Variants in LTBP1 observed in about 807,000 individuals in gnomAD.
LTBP1 encodes latent-transforming growth factor beta-binding protein 1.
LTBP1 carries 129 observed loss-of-function variants against 207.6 expected under a neutral mutation model. The ratio of observed to expected loss-of-function variants is 0.62; its 90% CI spans 0.54 to 0.72. The LOEUF (loss-of-function observed/expected upper bound fraction) is 0.72, where lower values mean the gene tolerates loss of function less well. Among genes scored for constraint, LTBP1 ranks in the 30% least tolerant of loss-of-function variants. The probability of loss-of-function intolerance (pLI) is 0.00; values close to 1 mark genes in which losing one functional copy is unlikely to be tolerated. For missense variants in LTBP1, 2,281 were observed against 2,217.2 expected (o/e 1.03, Z -0.58); for synonymous variants, 963 against 833.7 (o/e 1.16, Z -2.67).
At chr2:33,237,007 A>G (rs994176194) in intron 9 of LTBP1, among the ~76,000 whole-genome samples, 1 of 152,192 alleles carries the variant, frequency 6.6e-6, no homozygotes, top group African/African-American at 2.4e-5. Context: ...GTGGATGGTC[A>G]TTTTATAATC....
intron 5 of LTBP1, among the ~76,000 whole-genome samples, chr2:33,142,516 G>A (rs1178203608): frequency 1.3e-5 from 2 of 152,080 alleles, no homozygotes; most frequent in African/African-American, 2.4e-5. Flanking sequence ...AGACGAAGGG[G>A]TGCGTGGAAA....
At chr2:33,169,753 T>C (rs1572954301) in intron 5 of LTBP1, among the ~76,000 whole-genome samples, 3 of 152,320 alleles carry the variant, frequency 2.0e-5, no homozygotes, top group Middle Eastern at 3.4e-3. Context: ...TTAAAGTTTA[T>C]GATCCATAAA....
intron 9 of LTBP1, among the ~76,000 whole-genome samples, chr2:33,228,072 T>G (rs983151308): frequency 6.6e-6 from 1 of 152,118 alleles, no homozygotes; most frequent in Non-Finnish European, 1.5e-5. Flanking sequence ...CCCAAAGTGC[T>G]GGGATTACAG....
At chr2:33,145,449 T>C (rs17012602) in intron 5 of LTBP1, among the ~76,000 whole-genome samples, 53,369 of 152,072 alleles carry the variant, frequency 0.35, 9,665 homozygotes, top group Middle Eastern at 0.49. Context: ...GAAAACTTGT[T>C]GTTAGAGTTT....
intron 5 of LTBP1, among the ~76,000 whole-genome samples, chr2:33,136,445 G>T (rs145927467): frequency 0.012 from 1,887 of 152,156 alleles, 22 homozygotes; most frequent in Non-Finnish European, 0.021. Flanking sequence ...CCATCTCTAA[G>T]ATCATATGAC....
chr2:33,257,606 G>A (rs927645258), intron 12 of LTBP1, 95 bp downstream of exon 12: 8 of 1,023,012 alleles, frequency 7.8e-6, no homozygotes, highest in Non-Finnish European at 1.2e-5. Flanking sequence ...GAGTTTCTCA[G>A]CCTAAGCACT....
rs879653997 is a variant in LTBP1, at chr2:33,392,877, C to CT, written c.4834+3585dup. 4.7e-3 allele frequency among the ~76,000 whole-genome samples: 673 copies of CT among 142,104 alleles called. 4 individuals carry two copies. Among genetic ancestry groups the CT allele is most frequent in the African/African-American group, 0.014 (544 of 39,136 alleles). The allele number at this position is 142,104 out of a possible 152,430, so 93.2% of individuals were successfully genotyped here. On this transcript the variant is annotated intron_variant, in intron 32 of 33. Coordinates refer to ENST00000404816, the MANE Select transcript of LTBP1 (RefSeq NM_206943.4). ...AACTGGCTTTGAGTATGTGGTGTCA[C>CT]TTTTTTTTTTTTTTAAATTGGGGTC... is the stretch of plus-strand genomic sequence containing the variant.
chr2:33,382,595 C>G (rs1401933299), intron 31 of LTBP1, among the ~76,000 whole-genome samples: 2 of 152,182 alleles, frequency 1.3e-5, no homozygotes, highest in African/African-American at 2.4e-5. Flanking sequence ...TGACTATCAT[C>G]ACATCTTTCC....
chr2:32,979,843 T>G (rs964959317), intron 2 of LTBP1, among the ~76,000 whole-genome samples: 2 of 152,192 alleles, frequency 1.3e-5, no homozygotes, highest in Non-Finnish European at 2.9e-5. Flanking sequence ...TAATATTTGC[T>G]TTATATATCT....
At chr2:33,138,885 G>C (rs1187869222) in intron 5 of LTBP1, among the ~76,000 whole-genome samples, 1 of 110,682 alleles carries the variant, frequency 9.0e-6, no homozygotes, top group Non-Finnish European at 1.7e-5. Flanking sequence ...TTGAGACGGA[G>C]TCTCGCTCTG....
In LTBP1 at chr2:32,969,227, ATTTGTGTG is replaced by A. The variant is rs1421026238; in HGVS notation, c.565+20284_565+20291del. On this transcript the variant is annotated intron_variant, in intron 2 of 33. Transcript: ENST00000404816. ...AGGTGTGAGCCATGGCACCTGGCCA[ATTTGTGTG>A]TGTGTGTGTGTGTGTGTGTGTGTGT... Among the ~76,000 whole-genome samples, 516 of 92,660 alleles carry A rather than the reference ATTTGTGTG, an allele frequency of 5.6e-3. 2 individuals are homozygous for A. Among genetic ancestry groups the A allele is most frequent in the East Asian group, 0.024 (86 of 3,610 alleles). The allele number at this position is 92,660 out of a possible 152,430, so 60.8% of individuals were successfully genotyped here. A position where few individuals can be genotyped will look rare whatever the true frequency, so the allele number is the denominator to read the frequency against.
At chr2:33,209,283 C>T (rs2149251301) in intron 7 of LTBP1, among the ~76,000 whole-genome samples, 1 of 152,254 alleles carries the variant, frequency 6.6e-6, no homozygotes, top group East Asian at 1.9e-4. Flanking sequence ...TCTCTGGGAC[C>T]TGACTTAGTT....
At chr2:33,285,451 C>CTTTTT (rs199993814) in intron 19 of LTBP1, among the ~76,000 whole-genome samples, 2 of 124,400 alleles carry the variant, frequency 1.6e-5, no homozygotes, top group African/African-American at 3.0e-5. Context: ...CTTTCTTTTT[C>CTTTTT]TTTTTTTTTT....
rs184170409 is a variant in LTBP1, at chr2:33,354,368, A to G, written c.4001-6229A>G. Among the ~76,000 whole-genome samples the G allele has an allele frequency of 3.5e-4, 53 of 152,330 alleles. 1 individual carries two copies. Among genetic ancestry groups the G allele is most frequent in the Middle Eastern group, 3.4e-3 (1 of 294 alleles). The stretch of plus-strand genomic sequence containing the variant: ...TAAAGAAAGTAAGACCACAGTATTT[A>G]TAATGCAAATATTGTAAAAGGCCAT... On this transcript the variant is annotated intron_variant, in intron 26 of 33. Coordinates refer to ENST00000404816, the MANE Select transcript of LTBP1 (RefSeq NM_206943.4).
chr2:32,997,923 G>C (rs1041945646), intron 2 of LTBP1, among the ~76,000 whole-genome samples: 4 of 152,132 alleles, frequency 2.6e-5, no homozygotes, highest in African/African-American at 9.7e-5. Context: ...TCCTTATGTT[G>C]GACCTGGTAT....
chr2:33,232,650 C>T (rs1172020287), intron 9 of LTBP1, among the ~76,000 whole-genome samples: 1 of 152,126 alleles, frequency 6.6e-6, no homozygotes, highest in Non-Finnish European at 1.5e-5. Context: ...ATTTGAATTT[C>T]AGATAAACAA....
At chr2:33,162,901 G>T (rs569075469) in intron 5 of LTBP1, among the ~76,000 whole-genome samples, 18 of 152,206 alleles carry the variant, frequency 1.2e-4, no homozygotes, top group Non-Finnish European at 2.2e-4. Flanking sequence ...TGTGTTAGAA[G>T]CAAAGGCAAA....
chr2:33,277,944 C>A (rs974375210), intron 18 of LTBP1, among the ~76,000 whole-genome samples: 1 of 151,038 alleles, frequency 6.6e-6, no homozygotes, highest in Non-Finnish European at 1.5e-5. Flanking sequence ...ATTCTCCTGC[C>A]TCAGCCTCCT....
At chr2:33,013,035 C>A (rs1208771770) in intron 2 of LTBP1, among the ~76,000 whole-genome samples, 1 of 152,106 alleles carries the variant, frequency 6.6e-6, no homozygotes, top group East Asian at 1.9e-4. Flanking sequence ...TTCTACTCAA[C>A]CTTTATGGTT....
Sources: gnomAD v4.1 joint callset for allele counts (sites outside exome capture counted in the v4.1 genomes callset) on GRCh38, gnomAD v4.1.1 for gene constraint, MANE v1.5 for transcripts, NCBI Gene and HGNC (gene_info 2026-07-23, HGNC 2026-07-21) for gene names.